The following ARHGEF28 variants were observed in gnomAD, a reference collection of about 807,000 sequenced individuals.
ARHGEF28 encodes Rho guanine nucleotide exchange factor 28, also known as 190 kDa guanine nucleotide exchange factor.
A neutral mutation model predicts 206.6 loss-of-function variants in ARHGEF28; 152 were observed. The observed-to-expected ratio is 0.74, with a 90% CI of 0.64 to 0.84. The LOEUF is 0.84. Among genes scored for constraint, ARHGEF28 ranks in the 40% least tolerant of loss-of-function variants. ARHGEF28 has a pLI of 0.00. For missense variants in ARHGEF28, 2,028 were observed against 2,073.2 expected (o/e 0.98, Z 0.42); for synonymous variants, 763 against 776.4 (o/e 0.98, Z 0.29).
intron 7 of ARHGEF28, among the ~76,000 whole-genome samples, chr5:73,793,847 T>G (rs1474285432): frequency 5.9e-5 from 9 of 151,490 alleles, no homozygotes; most frequent in Admixed American, 3.3e-4. Context: ...CACTACTGTT[T>G]CCAGGAAACC....
At chr5:73,659,356 C>T (rs191372875) in intron 1 of ARHGEF28, among the ~76,000 whole-genome samples, 346 of 152,150 alleles carry the variant, frequency 2.3e-3, no homozygotes, top group African/African-American at 7.8e-3. Context: ...CGGTGAAACC[C>T]CGTCTCTACT....
chr5:73,921,953 A>T (rs1441857020), intron 35 of ARHGEF28, among the ~76,000 whole-genome samples: 1 of 152,226 alleles, frequency 6.6e-6, no homozygotes, highest in African/African-American at 2.4e-5. Context: ...GTAACACTGC[A>T]ATAAGGGCAT....
chr5:73,884,135 T>C (rs1761121914), intron 24 of ARHGEF28, among the ~76,000 whole-genome samples: 1 of 152,212 alleles, frequency 6.6e-6, no homozygotes, highest in South Asian at 2.1e-4. Flanking sequence ...AACCTGCCTT[T>C]CTTCTCTTTA....
At chr5:73,719,451 C>G (rs1749791392) in intron 2 of ARHGEF28, among the ~76,000 whole-genome samples, 1 of 149,500 alleles carries the variant, frequency 6.7e-6, no homozygotes, top group South Asian at 2.1e-4. Flanking sequence ...TTGAATTTTT[C>G]AAACTCTGTT....
At chr5:73,645,295 C>T (rs949358741) in intron 1 of ARHGEF28, among the ~76,000 whole-genome samples, 5 of 152,226 alleles carry the variant, frequency 3.3e-5, no homozygotes, top group Admixed American at 6.5e-5. Flanking sequence ...GGACTGCAGA[C>T]GTGTACTGTA....
At chr5:73,876,859 C>T (rs1433615392) in intron 22 of ARHGEF28, among the ~76,000 whole-genome samples, 5 of 147,458 alleles carry the variant, frequency 3.4e-5, no homozygotes, top group Admixed American at 6.8e-5. Context: ...CAGTGTTCAT[C>T]ATGGATATTG....
At chr5:73,671,993 G>T (rs1020218074) in intron 1 of ARHGEF28, among the ~76,000 whole-genome samples, 1 of 151,580 alleles carries the variant, frequency 6.6e-6, no homozygotes, top group Non-Finnish European at 1.5e-5. Context: ...CTGACCTCAG[G>T]TGATCCACCC....
intron 7 of ARHGEF28, among the ~76,000 whole-genome samples, chr5:73,789,428 A>C (rs1341714983): frequency 1.3e-5 from 2 of 152,146 alleles, no homozygotes; most frequent in Admixed American, 1.3e-4. Flanking sequence ...AGAAATGTGG[A>C]GCGATTGCTA....
intron 2 of ARHGEF28, among the ~76,000 whole-genome samples, chr5:73,686,835 T>C (rs1747507679): frequency 6.6e-6 from 1 of 152,128 alleles, no homozygotes; most frequent in South Asian, 2.1e-4. Flanking sequence ...ACCAAGTGTT[T>C]CTAGTTATTA....
At chr5:73,689,629 A>G (rs1260297367) in intron 2 of ARHGEF28, among the ~76,000 whole-genome samples, 1 of 152,212 alleles carries the variant, frequency 6.6e-6, no homozygotes, top group African/African-American at 2.4e-5. Flanking sequence ...AGAGCTTTAT[A>G]ATATCACTTT....
Position 73,723,682 on chromosome 5 carries a change from C to T in ARHGEF28, c.34-26155C>T, listed in dbSNP as rs1750101933. 2.0e-5 allele frequency among the ~76,000 whole-genome samples: 3 copies of T among 152,146 alleles called. No individual in the cohort carries two copies. The South Asian group carries it at 6.2e-4, about 32-fold the overall frequency. Reference sequence around the variant, plus strand: ...TAAGCTCAAGAGGAAGTTTCTTGTTCTCAAATCCATTTAAGAGGATAAGCC... The same window carrying T: ...TAAGCTCAAGAGGAAGTTTCTTGTTTTCAAATCCATTTAAGAGGATAAGCC... On this transcript the variant is annotated intron_variant, in intron 2 of 35. Transcript: ENST00000513042.
intron 1 of ARHGEF28, among the ~76,000 whole-genome samples, chr5:73,650,808 C>T (rs1744769901): frequency 6.6e-6 from 1 of 151,994 alleles, no homozygotes; most frequent in Non-Finnish European, 1.5e-5. Context: ...GCCACCATGC[C>T]CAGCTCGTTT....
intron 1 of ARHGEF28, among the ~76,000 whole-genome samples, chr5:73,656,298 C>T (rs965841188): frequency 1.3e-5 from 2 of 152,202 alleles, no homozygotes; most frequent in Admixed American, 1.3e-4. Flanking sequence ...GGAGGCAGCT[C>T]GCCACATGTG....
intron 11 of ARHGEF28, among the ~76,000 whole-genome samples, chr5:73,846,007 AAAAG>A (rs1310500522): frequency 7.2e-5 from 10 of 138,800 alleles, no homozygotes; most frequent in Non-Finnish European, 1.2e-4. Flanking sequence ...AAAAAAAAAA[AAAAG>A]AAAGAAAGAA....
At chr5:73,653,792 C>T (rs1468219599) in intron 1 of ARHGEF28, among the ~76,000 whole-genome samples, 1 of 152,238 alleles carries the variant, frequency 6.6e-6, no homozygotes, top group African/African-American at 2.4e-5. Flanking sequence ...CTTTCCAGCC[C>T]TTGGACCAGG....
intron 2 of ARHGEF28, among the ~76,000 whole-genome samples, chr5:73,717,260 C>T (rs949849528): frequency 3.9e-5 from 6 of 152,224 alleles, no homozygotes; most frequent in Admixed American, 3.3e-4. Flanking sequence ...CCATTGTAGA[C>T]TCAAGCCTGA....
chr5:73,698,976 T>C (rs190040914), intron 2 of ARHGEF28, among the ~76,000 whole-genome samples: 3 of 152,194 alleles, frequency 2.0e-5, no homozygotes, highest in East Asian at 1.9e-4. Context: ...TTGGAACCCA[T>C]GTCTTCAGCC....
At chr5:73,710,392 C>T (rs750205054) in intron 2 of ARHGEF28, among the ~76,000 whole-genome samples, 32 of 152,120 alleles carry the variant, frequency 2.1e-4, no homozygotes, top group African/African-American at 7.0e-4. Flanking sequence ...ACTCCCTCTC[C>T]TTTTTTATTG....
At chr5:73,839,495 A>G (rs1395240965) in intron 10 of ARHGEF28, among the ~76,000 whole-genome samples, 1 of 152,038 alleles carries the variant, frequency 6.6e-6, no homozygotes. Flanking sequence ...ATGCCTTTTG[A>G]TGACCGCCAC....
Sources: allele counts gnomAD v4.1 joint callset (sites outside exome capture counted in the v4.1 genomes callset), GRCh38; gene constraint gnomAD v4.1.1; transcripts MANE v1.5; gene names NCBI Gene and HGNC (gene_info 2026-07-23, HGNC 2026-07-21).